AKAP13: variants seen among roughly 807,000 people sequenced by gnomAD.
AKAP13 encodes A-kinase anchoring protein 13, also known as A-kinase anchor protein 13.
A neutral mutation model predicts 264.5 loss-of-function variants in AKAP13; 80 were observed. The observed-to-expected ratio is 0.30, with a 90% CI of 0.25 to 0.36. The LOEUF (loss-of-function observed/expected upper bound fraction) is 0.36. Among genes scored for constraint, AKAP13 ranks in the 10% least tolerant of loss-of-function variants. The pLI is 1.00. For synonymous variants in AKAP13, 1,380 were observed against 1,250.2 expected (o/e 1.10, Z -2.19); for missense variants, 3,712 against 3,435.2 (o/e 1.08, Z -2.01).
At chr15:85,615,886 T>A (rs1200571689) in intron 8 of AKAP13, among the ~76,000 whole-genome samples, 3 of 152,220 alleles carry the variant, frequency 2.0e-5, no homozygotes, top group African/African-American at 7.2e-5. Flanking sequence ...TCTCTAATTT[T>A]TCCATTCTGG....
chr15:85,413,269 C>G (rs78602494), intron 1 of AKAP13, among the ~76,000 whole-genome samples: 1 of 152,254 alleles, frequency 6.6e-6, no homozygotes, highest in Non-Finnish European at 1.5e-5. Context: ...GAAGGTGGTT[C>G]TTTCAGAACT....
In AKAP13 at chr15:85,639,222, G is replaced by GA. The variant is rs999131653; in HGVS notation, c.4162-143dup. The GA allele has an allele frequency of 4.9e-4, 269 of 554,406 alleles. 1 individual carries two copies. The highest frequency in any genetic ancestry group is 9.5e-4 in the Admixed American group (31 of 32,796). The allele number at this position is 554,406 out of a possible 1,614,324, so 34.3% of individuals were successfully genotyped here. On this transcript the variant is annotated intron_variant, in intron 8 of 36. Coordinates refer to ENST00000394518, the MANE Select transcript of AKAP13 (RefSeq NM_007200.5). ...GTATAGATTGCTGTGGTAATATTGT[G>GA]AAAAAAAAATTTTTTTCCCTTGACA...
At chr15:85,492,259 G>A (rs983809588) in intron 2 of AKAP13, among the ~76,000 whole-genome samples, 2 of 152,212 alleles carry the variant, frequency 1.3e-5, no homozygotes, top group African/African-American at 4.8e-5. Context: ...GCTCATGCCT[G>A]TAATCCTAGT....
chr15:85,686,191 A>ATGCATG (rs1555459328), intron 16 of AKAP13, among the ~76,000 whole-genome samples: 1 of 151,354 alleles, frequency 6.6e-6, no homozygotes, highest in Non-Finnish European at 1.5e-5. Flanking sequence ...ACGTGCATGC[A>ATGCATG]TGTGTGTGTG....
intron 8 of AKAP13, among the ~76,000 whole-genome samples, chr15:85,603,607 A>G (rs2151374128): frequency 6.6e-6 from 1 of 152,324 alleles, no homozygotes; most frequent in East Asian, 1.9e-4. Context: ...CTGTCTCTGA[A>G]GATTACTTGT....
At chr15:85,522,487 T>C (rs1384728092) in intron 3 of AKAP13, among the ~76,000 whole-genome samples, 3 of 152,166 alleles carry the variant, frequency 2.0e-5, no homozygotes, top group Non-Finnish European at 4.4e-5. Context: ...GAAGCCCTTA[T>C]GCCTTTACTG....
At position 85,724,204 on chromosome 15, in the gene AKAP13, A is replaced by G. The variant is rs1003860051; in HGVS notation, c.6745+884A>G. ...ATAAGTGATGATGTAGATAACTGCT[A>G]TAGGAAATGCCCACGCATAGAACAA... On this transcript the variant is annotated intron_variant, in intron 26 of 36. Coordinates refer to ENST00000394518, the MANE Select transcript of AKAP13 (RefSeq NM_007200.5). The surrounding 1 kb of genome is among the most constrained non-coding windows in gnomAD (Gnocchi z 4.2). Among the ~76,000 whole-genome samples the G allele has an allele frequency of 6.6e-6, 1 of 152,228 alleles. No homozygotes were observed.
intron 12 of AKAP13, among the ~76,000 whole-genome samples, chr15:85,663,063 A>T (rs972173544): frequency 6.6e-6 from 1 of 152,164 alleles, no homozygotes; most frequent in African/African-American, 2.4e-5. Context: ...TAATCCCAGT[A>T]CTTTGGGAGG....
chr15:85,658,675 T>C (rs887155822), intron 12 of AKAP13, 85 bp downstream of exon 12: 33 of 1,219,646 alleles, frequency 2.7e-5, no homozygotes, highest in Non-Finnish European at 3.6e-5. Flanking sequence ...AATCCATGAT[T>C]GGATCATCTA....
chr15:85,574,138 A>G (rs1490961311), intron 5 of AKAP13, among the ~76,000 whole-genome samples: 1 of 152,260 alleles, frequency 6.6e-6, no homozygotes, highest in Non-Finnish European at 1.5e-5. Context: ...ACCAACGGTT[A>G]GGACTTCAGA....
intron 12 of AKAP13, chr15:85,662,263 T>A: frequency 1.1e-6 from 1 of 872,668 alleles, no homozygotes; most frequent in Non-Finnish European, 1.9e-6. Context: ...CATTCCTAAA[T>A]TTTTTGTTGA....
intron 8 of AKAP13, among the ~76,000 whole-genome samples, chr15:85,588,404 T>G (rs1310037028): frequency 6.6e-6 from 1 of 152,226 alleles, no homozygotes; most frequent in Non-Finnish European, 1.5e-5. Context: ...TACGTGTGTC[T>G]TTGTTTCCAG....
intron 6 of AKAP13, among the ~76,000 whole-genome samples, chr15:85,578,508 C>T (rs544360602): frequency 0.018 from 2,684 of 152,024 alleles, 86 homozygotes; most frequent in African/African-American, 0.062. Context: ...CCACTACGCC[C>T]AGCTAATTTT....
chr15:85,606,064 T>C (rs137963568), intron 8 of AKAP13, among the ~76,000 whole-genome samples: 91 of 151,204 alleles, frequency 6.0e-4, no homozygotes, highest in African/African-American at 2.0e-3. Context: ...CTTCTGAATC[T>C]AGATTTTCTG....
intron 1 of AKAP13, among the ~76,000 whole-genome samples, chr15:85,464,325 G>A (rs1312489046): frequency 6.6e-6 from 1 of 152,184 alleles, no homozygotes; most frequent in Admixed American, 6.5e-5. Flanking sequence ...TTAAAAAAAT[G>A]AGCTTTGGAT....
At chr15:85,594,013 A>G (rs2079698305) in intron 8 of AKAP13, among the ~76,000 whole-genome samples, 1 of 152,230 alleles carries the variant, frequency 6.6e-6, no homozygotes, top group African/African-American at 2.4e-5. Context: ...AGGAAATTCT[A>G]GCCTATAATA....
chr15:85,582,941 C>G, intron 7 of AKAP13: 1 of 985,432 alleles, frequency 1.0e-6, no homozygotes, highest in Non-Finnish European at 1.2e-6. Context: ...CTGTGGGTAA[C>G]CATGTTCCGA....
intron 20 of AKAP13, 67 bp downstream of exon 20, chr15:85,715,990 T>C: frequency 6.6e-7 from 1 of 1,519,378 alleles, no homozygotes; most frequent in Non-Finnish European, 8.8e-7. Context: ...AATCACATCA[T>C]ATGACAAAAA....
chr15:85,706,371 T>C (rs2151684399), intron 17 of AKAP13, among the ~76,000 whole-genome samples: 1 of 152,334 alleles, frequency 6.6e-6, no homozygotes, highest in East Asian at 1.9e-4. Flanking sequence ...GACCACTTTG[T>C]TATGCTTCTT....
Sources: gnomAD v4.1 joint callset for allele counts (sites outside exome capture counted in the v4.1 genomes callset) on GRCh38, gnomAD v4.1.1 for gene constraint, Gnocchi (gnomAD v3.1) non-coding constraint, MANE v1.5 for transcripts, NCBI Gene and HGNC (gene_info 2026-07-23, HGNC 2026-07-21) for gene names.